Variants in SLC8A1 observed in about 807,000 individuals in gnomAD.
SLC8A1 encodes sodium/calcium exchanger 1.
SLC8A1 carries 18 observed loss-of-function variants against 68.3 expected under a neutral mutation model. The observed-to-expected ratio is 0.26, with a 90% confidence interval of 0.18 to 0.39. SLC8A1 has a LOEUF of 0.39. Among genes scored for constraint, SLC8A1 ranks in the 10% least tolerant of loss-of-function variants. The pLI is 1.00. For missense variants in SLC8A1, 985 were observed against 1,156.7 expected (o/e 0.85, Z 2.15); for synonymous variants, 475 against 415.5 (o/e 1.14, Z -1.74).
chr2:40,292,927 A>G (rs907195718), intron 2 of SLC8A1, among the ~76,000 whole-genome samples: 1 of 152,148 alleles, frequency 6.6e-6, no homozygotes, highest in African/African-American at 2.4e-5. Flanking sequence ...AATTGATCTC[A>G]ACTGCCTTTG....
intron 2 of SLC8A1, among the ~76,000 whole-genome samples, chr2:40,240,160 C>A (rs984445231): frequency 6.6e-6 from 1 of 152,172 alleles, no homozygotes; most frequent in African/African-American, 2.4e-5. Flanking sequence ...GGAAAGGAAG[C>A]CTTCACAGTT....
At chr2:40,204,611 C>T (rs978137046) in intron 2 of SLC8A1, among the ~76,000 whole-genome samples, 1 of 151,964 alleles carries the variant, frequency 6.6e-6, no homozygotes, top group African/African-American at 2.4e-5. Flanking sequence ...CTAATGTTGT[C>T]TTGTTTCAGA....
At chr2:40,141,089 A>G (rs575470664) in intron 6 of SLC8A1, among the ~76,000 whole-genome samples, 2 of 152,038 alleles carry the variant, frequency 1.3e-5, no homozygotes, top group Non-Finnish European at 2.9e-5. Flanking sequence ...GTCTTTGTTG[A>G]CCCATTCCAA....
intron 1 of SLC8A1, among the ~76,000 whole-genome samples, chr2:40,499,702 C>T (rs1039429615): frequency 2.0e-5 from 3 of 152,096 alleles, no homozygotes; most frequent in Admixed American, 6.6e-5. Flanking sequence ...GGTTGGTTAT[C>T]GGACCAGCTC....
At chr2:40,321,142 A>G (rs2075134418) in intron 2 of SLC8A1, among the ~76,000 whole-genome samples, 1 of 152,156 alleles carries the variant, frequency 6.6e-6, no homozygotes, top group African/African-American at 2.4e-5. Flanking sequence ...TACAAATTAA[A>G]GGGGATATGA....
chr2:40,253,408 G>T (rs2063324524), intron 2 of SLC8A1, among the ~76,000 whole-genome samples: 1 of 151,838 alleles, frequency 6.6e-6, no homozygotes, highest in Non-Finnish European at 1.5e-5. Flanking sequence ...AACATGGATG[G>T]AACTGGAGGA....
At chr2:40,406,428 T>A (rs551766136) in intron 2 of SLC8A1, among the ~76,000 whole-genome samples, 1 of 152,208 alleles carries the variant, frequency 6.6e-6, no homozygotes, top group Admixed American at 6.5e-5. Context: ...ATTTATTGTA[T>A]AATGGATGTA....
At chr2:40,397,037 A>C (rs1687203961) in intron 2 of SLC8A1, among the ~76,000 whole-genome samples, 1 of 152,160 alleles carries the variant, frequency 6.6e-6, no homozygotes, top group South Asian at 2.1e-4. Context: ...TGCTGATGAG[A>C]ATATTTCAGT....
intron 2 of SLC8A1, among the ~76,000 whole-genome samples, chr2:40,288,849 A>ATATATATATATATATATATATATGTATG (rs1553476848): frequency 7.9e-5 from 11 of 138,762 alleles, no homozygotes; most frequent in African/African-American, 3.2e-4. Context: ...ATATATATAT[A>ATATATATATATATATATATATATGTATG]TATGTATATA....
intron 1 of SLC8A1, among the ~76,000 whole-genome samples, chr2:40,486,707 G>GT (rs200468744): frequency 7.3e-5 from 11 of 150,518 alleles, no homozygotes; most frequent in Non-Finnish European, 1.3e-4. Context: ...ATCTTAATAT[G>GT]TTTTTTTTAA....
At chr2:40,426,378 G>A (rs1247262962) in intron 2 of SLC8A1, among the ~76,000 whole-genome samples, 1 of 151,932 alleles carries the variant, frequency 6.6e-6, no homozygotes, top group Admixed American at 6.6e-5. Context: ...ATTCTCACAA[G>A]AAATCTAAAT....
intron 1 of SLC8A1, among the ~76,000 whole-genome samples, 167 bp downstream of exon 1, chr2:40,451,737 T>TCTCACA (rs1491295790): frequency 3.7e-5 from 5 of 133,662 alleles, no homozygotes; most frequent in Non-Finnish European, 6.4e-5. Flanking sequence ...ACACACCACA[T>TCTCACA]CACACACACA....
At chr2:40,261,147 C>A (rs2149093930) in intron 2 of SLC8A1, among the ~76,000 whole-genome samples, 2 of 152,236 alleles carry the variant, frequency 1.3e-5, no homozygotes, top group East Asian at 3.9e-4. Flanking sequence ...AAAGGCAGGT[C>A]ATTCTATCAC....
chr2:40,436,961 C>T (rs1409839745), intron 1 of SLC8A1, among the ~76,000 whole-genome samples: 7 of 152,158 alleles, frequency 4.6e-5, no homozygotes, highest in Non-Finnish European at 1.0e-4. Flanking sequence ...GCAATAATGA[C>T]TGAAATCATG....
At chr2:40,137,633 A>T (rs1429119244) in intron 7 of SLC8A1, among the ~76,000 whole-genome samples, 1 of 152,088 alleles carries the variant, frequency 6.6e-6, no homozygotes, top group Non-Finnish European at 1.5e-5. Context: ...AGAATATTTT[A>T]AGTTTTTCCT....
At chr2:40,155,125 T>TATTA (rs2044231557) in intron 6 of SLC8A1, among the ~76,000 whole-genome samples, 2 of 114,788 alleles carry the variant, frequency 1.7e-5, no homozygotes, top group African/African-American at 6.7e-5. Flanking sequence ...ACAGCAGAAT[T>TATTA]ATTATTATTA....
intron 2 of SLC8A1, among the ~76,000 whole-genome samples, chr2:40,231,980 T>C (rs2059708207): frequency 1.3e-5 from 2 of 152,078 alleles, no homozygotes; most frequent in African/African-American, 4.8e-5. Flanking sequence ...AGGAATAAGA[T>C]ACAGTTTCTG....
At chr2:40,326,135 T>C (rs1378857639) in intron 2 of SLC8A1, among the ~76,000 whole-genome samples, 4 of 152,208 alleles carry the variant, frequency 2.6e-5, no homozygotes, top group African/African-American at 9.6e-5. Context: ...CAGGCCTAGG[T>C]AGCAAAACTA....
At chr2:40,214,931 C>G (rs1030671943) in intron 2 of SLC8A1, among the ~76,000 whole-genome samples, 18 of 152,098 alleles carry the variant, frequency 1.2e-4, no homozygotes, top group African/African-American at 4.3e-4. Flanking sequence ...ATGGATATGT[C>G]AATGATTTTA....
Sources: allele counts gnomAD v4.1 joint callset (sites outside exome capture counted in the v4.1 genomes callset), GRCh38; gene constraint gnomAD v4.1.1; transcripts MANE v1.5; gene names NCBI Gene and HGNC (gene_info 2026-07-23, HGNC 2026-07-21).